The following DAB1 variants were observed in gnomAD, a reference collection of about 807,000 sequenced individuals.
DAB1 encodes disabled homolog 1.
A neutral mutation model predicts 64.6 loss-of-function variants in DAB1; 15 were observed. That is an observed-to-expected ratio of 0.23 (90% CI 0.16 to 0.36). The LOEUF (loss-of-function observed/expected upper bound fraction) is 0.36. Ranked by LOEUF, DAB1 falls within the 10% of genes least tolerant of loss-of-function variation. The probability of loss-of-function intolerance (pLI) is 1.00; values close to 1 mark genes in which losing one functional copy is unlikely to be tolerated. For missense variants in DAB1, 596 were observed against 706.7 expected, an observed-to-expected ratio of 0.84 and a Z score of 1.78; for synonymous variants, 235 against 251.9, an observed-to-expected ratio of 0.93 and a Z score of 0.64.
At chr1:58,127,476 T>C (rs1178519871) in intron 5 of DAB1, among the ~76,000 whole-genome samples, 1 of 151,254 alleles carries the variant, frequency 6.6e-6, no homozygotes, top group African/African-American at 2.4e-5. Flanking sequence ...AGATCCCATT[T>C]GTCAATTTTG....
intron 5 of DAB1, among the ~76,000 whole-genome samples, chr1:58,091,664 A>G (rs1650663878): frequency 6.6e-6 from 1 of 152,036 alleles, no homozygotes; most frequent in South Asian, 2.1e-4. Flanking sequence ...GCTCCCCATA[A>G]TCCTTCACTC....
chr1:57,406,661 A>G (rs1170319605), intron 1 of DAB1, among the ~76,000 whole-genome samples: 1 of 152,208 alleles, frequency 6.6e-6, no homozygotes, highest in Non-Finnish European at 1.5e-5. Flanking sequence ...TCCATTTGAC[A>G]GATCTCAGAG....
At chr1:57,929,890 T>C (rs1644931092) in intron 5 of DAB1, among the ~76,000 whole-genome samples, 1 of 152,192 alleles carries the variant, frequency 6.6e-6, no homozygotes, top group Non-Finnish European at 1.5e-5. Flanking sequence ...AAACCATTCA[T>C]GAGGGATCCA....
intron 5 of DAB1, among the ~76,000 whole-genome samples, chr1:58,111,270 C>A (rs1019774493): frequency 6.6e-6 from 1 of 152,202 alleles, no homozygotes; most frequent in African/African-American, 2.4e-5. Flanking sequence ...CCATATCTGG[C>A]CACAAATCAA....
intron 1 of DAB1, among the ~76,000 whole-genome samples, chr1:57,864,157 G>C (rs1029041697): frequency 1.1e-4 from 16 of 152,190 alleles, no homozygotes; most frequent in Non-Finnish European, 1.2e-4. Flanking sequence ...AGAGCAATTT[G>C]AGTAGGAACC....
intron 7 of DAB1, among the ~76,000 whole-genome samples, chr1:57,628,171 C>T (rs1396258604): frequency 6.6e-6 from 1 of 152,198 alleles, no homozygotes; most frequent in African/African-American, 2.4e-5. Context: ...GCTTCAGACT[C>T]CTCATTTGTA....
chr1:58,380,308 GCT>G (rs374253996), intron 3 of DAB1, among the ~76,000 whole-genome samples: 2 of 151,880 alleles, frequency 1.3e-5, no homozygotes, highest in African/African-American at 4.8e-5. Context: ...TTTCCCCAGT[GCT>G]CTCTCTCTCT....
intron 4 of DAB1, among the ~76,000 whole-genome samples, chr1:58,250,762 C>G (rs1660773769): frequency 6.6e-6 from 1 of 152,208 alleles, no homozygotes; most frequent in East Asian, 1.9e-4. Context: ...TTGCAGTTCT[C>G]AGTGTCTGCT....
At chr1:58,198,984 G>A (rs530049593) in intron 4 of DAB1, among the ~76,000 whole-genome samples, 3 of 152,144 alleles carry the variant, frequency 2.0e-5, no homozygotes, top group Admixed American at 6.5e-5. Context: ...GCGCATGCCT[G>A]TAGTCACAGC....
intron 1 of DAB1, among the ~76,000 whole-genome samples, chr1:57,830,666 A>T (rs1244232323): frequency 6.6e-6 from 1 of 152,194 alleles, no homozygotes; most frequent in Non-Finnish European, 1.5e-5. Flanking sequence ...AAGCCTGCCT[A>T]CAAGATTGGT....
chr1:58,428,780 T>G (rs1480936251), intron 3 of DAB1, among the ~76,000 whole-genome samples: 3 of 152,234 alleles, frequency 2.0e-5, no homozygotes, highest in Admixed American at 6.5e-5. Context: ...ATACCATCCT[T>G]TATACTTCTG....
chr1:57,409,264 G>A (rs190042647), intron 1 of DAB1, among the ~76,000 whole-genome samples: 268 of 152,228 alleles, frequency 1.8e-3, no homozygotes, highest in Middle Eastern at 3.4e-3. Context: ...TCTGTCTTTC[G>A]CTTCTTTGTC....
chr1:57,257,992 C>T (rs1006747084), intron 2 of DAB1, among the ~76,000 whole-genome samples: 2 of 152,224 alleles, frequency 1.3e-5, no homozygotes, highest in Non-Finnish European at 2.9e-5. Context: ...TGTAAGGCAA[C>T]ATGCACAGGT....
chr1:57,643,762 A>C (rs566267270), intron 7 of DAB1, among the ~76,000 whole-genome samples: 4 of 152,336 alleles, frequency 2.6e-5, no homozygotes, highest in Admixed American at 2.0e-4. Flanking sequence ...CAAGCTCAAC[A>C]CTTGGTCACA....
chr1:58,444,814 C>T (rs76022867), intron 3 of DAB1, among the ~76,000 whole-genome samples: 1,800 of 152,122 alleles, frequency 0.012, 38 homozygotes, highest in African/African-American at 0.041. Context: ...AGGCTAGAAG[C>T]CCTTTGTTTA....
intron 1 of DAB1, among the ~76,000 whole-genome samples, chr1:57,337,795 C>G (rs1461904457): frequency 2.0e-5 from 3 of 152,244 alleles, no homozygotes; most frequent in African/African-American, 7.2e-5. Context: ...AGGCCAGTGG[C>G]ACCTGTATTC....
chr1:57,917,532 T>C (rs952917132), intron 5 of DAB1, among the ~76,000 whole-genome samples: 4 of 152,218 alleles, frequency 2.6e-5, no homozygotes, highest in African/African-American at 7.2e-5. Flanking sequence ...GTTGTACTAA[T>C]ATTTCTTCTG....
intron 5 of DAB1, among the ~76,000 whole-genome samples, chr1:58,096,489 T>C (rs935830463): frequency 6.6e-6 from 1 of 152,228 alleles, no homozygotes; most frequent in African/African-American, 2.4e-5. Flanking sequence ...TATGTGTGTG[T>C]GCGCTTATTT....
chr1:58,453,406 T>G (rs1645160587), intron 3 of DAB1, among the ~76,000 whole-genome samples: 1 of 152,162 alleles, frequency 6.6e-6, no homozygotes. Context: ...ATAATAACAA[T>G]GGTGAATGGC....
Sources: allele counts gnomAD v4.1 joint callset (sites outside exome capture counted in the v4.1 genomes callset), GRCh38; gene constraint gnomAD v4.1.1; transcripts MANE v1.5; gene names NCBI Gene and HGNC (gene_info 2026-07-23, HGNC 2026-07-21).